Variants in MAGI1 observed in about 807,000 individuals in gnomAD.
MAGI1 encodes the protein membrane-associated guanylate kinase, WW and PDZ domain-containing protein 1.
Under a neutral mutation model 139.9 loss-of-function variants are expected in MAGI1, and 58 were observed. That is an observed-to-expected ratio of 0.41 (90% confidence interval 0.34 to 0.52). The LOEUF (loss-of-function observed/expected upper bound fraction) is 0.52. Among genes scored for constraint, MAGI1 ranks in the 20% least tolerant of loss-of-function variants. The probability of loss-of-function intolerance (pLI) is 0.12; values close to 1 mark genes in which losing one functional copy is unlikely to be tolerated. For missense variants in MAGI1, 1,874 were observed against 1,901.6 expected, an observed-to-expected ratio of 0.99 and a Z score of 0.27; for synonymous variants, 812 against 737.9, an observed-to-expected ratio of 1.10 and a Z score of -1.63.
chr3:65,380,411 G>C (rs899068701), intron 16 of MAGI1, among the ~76,000 whole-genome samples: 1 of 152,158 alleles, frequency 6.6e-6, no homozygotes, highest in Non-Finnish European at 1.5e-5. Context: ...GTGGTATTAA[G>C]TGCATTCACA....
At chr3:66,013,562 C>T (rs2067458399) in intron 1 of MAGI1, among the ~76,000 whole-genome samples, 1 of 151,698 alleles carries the variant, frequency 6.6e-6, no homozygotes, top group African/African-American at 2.4e-5. Flanking sequence ...GAGACCGAGA[C>T]CATCCTGGCT....
intron 22 of MAGI1, chr3:65,360,947 C>T (rs958148839): frequency 6.4e-6 from 9 of 1,413,554 alleles, no homozygotes; most frequent in South Asian, 1.6e-5. Context: ...CTAGACAAAA[C>T]GTTCTCTCTG....
In MAGI1 at chr3:65,828,296, A is replaced by G. The variant is rs369869259; in HGVS notation, c.314-206208T>C. 2.8e-4 allele frequency among the ~76,000 whole-genome samples: 43 copies of G among 152,286 alleles called. No homozygotes were observed. The East Asian group carries it at 3.1e-3, about 11-fold the overall frequency. On this transcript the variant is annotated intron_variant, in intron 1 of 22. Coordinates refer to ENST00000402939, the MANE Select transcript of MAGI1 (RefSeq NM_001033057.2). ...CTGGTGAACATCAAGCACCAACATCACAGGCTAACTGTGGAGCTGAACTTT... is the reference window on the plus strand; with the variant it reads ...CTGGTGAACATCAAGCACCAACATCGCAGGCTAACTGTGGAGCTGAACTTT...
At chr3:65,809,485 G>C (rs141686589) in intron 1 of MAGI1, among the ~76,000 whole-genome samples, 19 of 152,330 alleles carry the variant, frequency 1.2e-4, no homozygotes, top group African/African-American at 4.3e-4. Context: ...AAAGGTGACA[G>C]AGAAGAGAAA....
At chr3:65,884,547 C>T (rs1316418099) in intron 1 of MAGI1, among the ~76,000 whole-genome samples, 2 of 152,144 alleles carry the variant, frequency 1.3e-5, no homozygotes, top group African/African-American at 4.8e-5. Flanking sequence ...AAATACTGAG[C>T]TATTAAACAA....
At chr3:65,995,366 A>G (rs996673980) in intron 1 of MAGI1, among the ~76,000 whole-genome samples, 2 of 152,224 alleles carry the variant, frequency 1.3e-5, no homozygotes, top group South Asian at 2.1e-4. Context: ...AGTGGCTCAC[A>G]CCGTCCCAAT....
At chr3:65,627,576 T>C (rs1170019263) in intron 1 of MAGI1, among the ~76,000 whole-genome samples, 5 of 131,588 alleles carry the variant, frequency 3.8e-5, no homozygotes, top group South Asian at 2.7e-4. Context: ...GACGCGATCT[T>C]GGCTCACTGC....
chr3:65,419,229 C>CACACACACACAT (rs1946460528), intron 12 of MAGI1, among the ~76,000 whole-genome samples: 1 of 144,832 alleles, frequency 6.9e-6, no homozygotes, highest in Non-Finnish European at 1.5e-5. Flanking sequence ...CATACACACA[C>CACACACACACAT]ACACACACAC....
chr3:65,942,517 G>C (rs1426228722), intron 1 of MAGI1, among the ~76,000 whole-genome samples: 1 of 152,122 alleles, frequency 6.6e-6, no homozygotes, highest in African/African-American at 2.4e-5. Flanking sequence ...TAATATAAAA[G>C]GGTTGGCTCC....
chr3:65,687,394 G>A (rs561922814), intron 1 of MAGI1: 19 of 349,552 alleles, frequency 5.4e-5, no homozygotes, highest in East Asian at 1.5e-4. Context: ...CACATATCCC[G>A]TTTGATTTCT....
chr3:65,615,664 C>T (rs2083331239), intron 2 of MAGI1, among the ~76,000 whole-genome samples: 1 of 152,188 alleles, frequency 6.6e-6, no homozygotes, highest in African/African-American at 2.4e-5. Flanking sequence ...CACCACCTTC[C>T]AGTGCTCCAT....
intron 2 of MAGI1, chr3:65,609,869 G>A (rs903769451): frequency 9.9e-6 from 2 of 201,858 alleles, no homozygotes; most frequent in Non-Finnish European, 1.1e-5. Flanking sequence ...GAGCCATCAC[G>A]CCCTGCTTCC....
chr3:65,655,206 GGACA>G lies in MAGI1; in HGVS notation c.314-33122_314-33119del, dbSNP rs915429193. Among the ~76,000 whole-genome samples the G allele has an allele frequency of 5.9e-5, 9 of 152,098 alleles. No individual in the cohort carries two copies. In the South Asian group the frequency reaches 1.0e-3, roughly 17 times the overall value. On this transcript the variant is annotated intron_variant, in intron 1 of 22. Transcript: ENST00000402939. ...CATTATGACAATATGATGACTGTGA[GGACA>G]GACAGAGACGTAGAGCGGAGAAAAA... is the stretch of plus-strand genomic sequence containing the variant.
At chr3:65,455,364 A>T (rs1443918441) in intron 5 of MAGI1, among the ~76,000 whole-genome samples, 3 of 152,066 alleles carry the variant, frequency 2.0e-5, no homozygotes, top group African/African-American at 7.2e-5. Context: ...CCTCTTCTTA[A>T]TCCCTGGTAA....
intron 1 of MAGI1, among the ~76,000 whole-genome samples, chr3:66,011,323 T>G (rs2067309465): frequency 1.3e-5 from 2 of 152,260 alleles, no homozygotes; most frequent in South Asian, 4.1e-4. Context: ...AAAGATAGGT[T>G]TGAAAGCTAG....
intron 1 of MAGI1, among the ~76,000 whole-genome samples, chr3:65,974,355 A>ATGAG (rs2065154208): frequency 8.0e-5 from 1 of 12,462 alleles, no homozygotes; most frequent in Non-Finnish European, 1.6e-4. Flanking sequence ...GGAGGAGTGG[A>ATGAG]TGGATGGATG....
intron 1 of MAGI1, among the ~76,000 whole-genome samples, chr3:65,852,432 A>G (rs1413272508): frequency 6.6e-6 from 1 of 152,072 alleles, no homozygotes; most frequent in African/African-American, 2.4e-5. Flanking sequence ...GTAGGTAAAC[A>G]CTAGACAGAC....
chr3:65,568,076 T>C (rs2080756930), intron 2 of MAGI1, among the ~76,000 whole-genome samples: 3 of 152,092 alleles, frequency 2.0e-5, no homozygotes, highest in East Asian at 1.9e-4. Flanking sequence ...GGAATCTATT[T>C]ACCGGGTAAA....
chr3:65,853,391 A>C (rs1391887155), intron 1 of MAGI1, among the ~76,000 whole-genome samples: 1 of 152,232 alleles, frequency 6.6e-6, no homozygotes, highest in Non-Finnish European at 1.5e-5. Flanking sequence ...AATTCCTAGT[A>C]GGGCAAAGAT....
Sources: allele counts gnomAD v4.1 joint callset (sites outside exome capture counted in the v4.1 genomes callset), GRCh38; gene constraint gnomAD v4.1.1; transcripts MANE v1.5; gene names NCBI Gene and HGNC (gene_info 2026-07-23, HGNC 2026-07-21).